SAP130: variants seen among roughly 807,000 people sequenced by gnomAD.
SAP130 encodes histone deacetylase complex subunit SAP130.
In SAP130, 16 loss-of-function variants were observed where a neutral mutation model predicts 103.2. That is an observed-to-expected ratio of 0.16 (90% CI 0.10 to 0.24). The LOEUF (loss-of-function observed/expected upper bound fraction) is 0.24, where lower values mean the gene tolerates loss of function less well. SAP130 is among the 10% of genes least tolerant of loss of function. The probability of loss-of-function intolerance (pLI) is 1.00; values close to 1 mark genes in which losing one functional copy is unlikely to be tolerated. For synonymous variants in SAP130, 477 were observed against 497.0 expected (o/e 0.96, Z 0.53); for missense variants, 990 against 1,359.7 (o/e 0.73, Z 4.28).
At chr2:127,958,321 G>A (rs1319610866) in intron 15 of SAP130, among the ~76,000 whole-genome samples, 1 of 152,240 alleles carries the variant, frequency 6.6e-6, no homozygotes, top group African/African-American at 2.4e-5. Context: ...GGCTGAGGCA[G>A]AAGAATCGCT....
chr2:128,026,368 A>T, intron 1 of SAP130, 70 bp from the exon 2 acceptor site: 1 of 1,092,650 alleles, frequency 9.2e-7, no homozygotes, highest in Non-Finnish European at 1.4e-6. Flanking sequence ...AAATTAAAGC[A>T]TCTTTAGTAC....
chr2:128,022,589 T>C (rs576269166), intron 2 of SAP130, among the ~76,000 whole-genome samples: 1 of 152,306 alleles, frequency 6.6e-6, no homozygotes, highest in East Asian at 1.9e-4. Flanking sequence ...AAAGTATGAG[T>C]TCTATTTGCG....
At chr2:127,950,607 TCC>T (rs1014106693) in intron 16 of SAP130, among the ~76,000 whole-genome samples, 199 bp from the exon 17 acceptor site, 4 of 152,352 alleles carry the variant, frequency 2.6e-5, no homozygotes. Flanking sequence ...ATCTTCATCT[TCC>T]TTAGGTCCAG....
chr2:128,001,355 G>C (rs575147931), intron 7 of SAP130, among the ~76,000 whole-genome samples: 2 of 152,350 alleles, frequency 1.3e-5, no homozygotes, highest in African/African-American at 2.4e-5. Context: ...GGGCGACAGA[G>C]TGAGACCCTG....
At chr2:127,980,428 G>C (rs1277081559) in intron 14 of SAP130, among the ~76,000 whole-genome samples, 1 of 152,174 alleles carries the variant, frequency 6.6e-6, no homozygotes, top group Non-Finnish European at 1.5e-5. Context: ...CCTGGTGAGA[G>C]TGTAAATGGG....
intron 2 of SAP130, 70 bp downstream of exon 2, chr2:128,026,111 A>G: frequency 9.5e-7 from 1 of 1,056,794 alleles, no homozygotes; most frequent in Non-Finnish European, 1.4e-6. Flanking sequence ...GAATCTGCTA[A>G]TTTTTAAGTT....
intron 1 of SAP130, among the ~76,000 whole-genome samples, chr2:128,027,614 C>CTGGG (rs1685617637): frequency 6.6e-6 from 1 of 150,764 alleles, no homozygotes; most frequent in South Asian, 2.1e-4. Context: ...GCCAAACTCC[C>CTGGG]TGGGCCGGCC....
chr2:128,026,415 C>T (rs1322976465), intron 1 of SAP130, 117 bp from the exon 2 acceptor site: 1 of 658,066 alleles, frequency 1.5e-6, no homozygotes, highest in African/African-American at 1.8e-5. Flanking sequence ...AATGCTGCAT[C>T]ATTTATTTAA....
chr2:127,976,867 C>A (rs1559059983), intron 15 of SAP130, among the ~76,000 whole-genome samples: 1 of 152,132 alleles, frequency 6.6e-6, no homozygotes, highest in Non-Finnish European at 1.5e-5. Flanking sequence ...GGCCACTGCA[C>A]TCCAGCCTGG....
chr2:127,993,733 A>G (rs1379862618), intron 11 of SAP130, among the ~76,000 whole-genome samples: 2 of 152,176 alleles, frequency 1.3e-5, no homozygotes, highest in African/African-American at 4.8e-5. Flanking sequence ...GGAAAGAAAA[A>G]ATGGGATCCA....
In SAP130 at chr2:127,941,720, T is replaced by C. The variant is rs1012852573; in HGVS notation, c.*286A>G. The C allele has an allele frequency of 2.4e-5, 10 of 410,032 alleles. No homozygotes were observed. Among genetic ancestry groups the C allele is most frequent in the Middle Eastern group, 6.4e-4 (1 of 1,572 alleles). 25.4% of individuals were successfully genotyped at this position (410,032 alleles called of 1,614,324 possible). A position where few individuals can be genotyped will look rare whatever the true frequency, so the allele number is the denominator to read the frequency against. On this transcript the variant is annotated 3_prime_UTR_variant, in exon 21 of 21. Transcript: ENST00000643581. ...AAGGCTGAAAAACACCAGCCAGCCA[T>C]CCTTGTCATTGCTTCCAACTGGTGG...
chr2:127,994,652 G>A lies in SAP130; in HGVS notation c.1356-1344C>T, dbSNP rs367757680. Among the ~76,000 whole-genome samples the A allele has an allele frequency of 5.3e-4, 80 of 152,122 alleles. 1 individual carries two copies. In the South Asian group the frequency reaches 6.4e-3, roughly 12 times the overall value. ...CATGTGCCTGCAGTCCCAGCTACTC[G>A]GGAGGCTGAGGTGGGAGGATCATTT... On this transcript the variant is annotated intron_variant, in intron 11 of 20. Coordinates refer to ENST00000643581, the MANE Select transcript of SAP130 (RefSeq NM_001330301.2).
chr2:127,963,427 G>C (rs2438021), intron 15 of SAP130, among the ~76,000 whole-genome samples: 119,366 of 152,020 alleles, frequency 0.79, 48,318 homozygotes, highest in Non-Finnish European at 0.88. Flanking sequence ...ATGGAGTTTG[G>C]CCATGTTGCC....
At chr2:127,992,571 C>T (rs1286962536) in intron 12 of SAP130, among the ~76,000 whole-genome samples, 1 of 152,218 alleles carries the variant, frequency 6.6e-6, no homozygotes, top group East Asian at 1.9e-4. Flanking sequence ...AGGCATGAGC[C>T]ACTGCACCTG....
rs145638242 is a variant in SAP130, at chr2:128,021,684, G to A, written c.113-3769C>T. ...AAGGAGCAGAATGGTTGGGTCAAAT[G>A]GTAAGTATATGTTTAACTTTGCCGA... On this transcript the variant is annotated intron_variant, in intron 2 of 20. Transcript: ENST00000643581. 2.4e-3 allele frequency among the ~76,000 whole-genome samples: 361 copies of A among 152,240 alleles called. 3 individuals carry two copies. The highest frequency in any genetic ancestry group is 8.1e-3 in the African/African-American group (335 of 41,544).
At chr2:128,027,269 G>A (rs1436605009) in intron 1 of SAP130, 1 of 1,080,314 alleles carries the variant, frequency 9.3e-7, no homozygotes, top group East Asian at 4.4e-5. Flanking sequence ...CCCGCCACCC[G>A]GCCGCCGCTG....
chr2:127,999,742 G>C lies in SAP130; in HGVS notation c.1212C>G (p.Val404=), dbSNP rs1041947586. ...GTCCGAAGGCAGCAGGCCACTTACC[G>C]ACTGGGATGTTTGAGGTGGTCACAG... ...ATAVTTSNIP[V]AKVVPQQITH... is the part of the protein sequence containing the mutation. Residue 404 remains valine (V), a splice_region_variant and synonymous_variant, in exon 10 of 21, where the codon GTC becomes GTG. Coordinates refer to ENST00000643581, the MANE Select transcript of SAP130 (RefSeq NM_001330301.2). 6.7e-7 allele frequency: 1 copy of C among 1,502,612 alleles called. No individual in the cohort carries two copies. Among genetic ancestry groups the C allele is most frequent in the Non-Finnish European group, 8.9e-7 (1 of 1,125,986 alleles). The allele number at this position is 1,502,612 out of a possible 1,614,324, so 93.1% of individuals were successfully genotyped here. A position where few individuals can be genotyped will look rare whatever the true frequency, so the allele number is the denominator to read the frequency against.
chr2:127,990,643 A>G (rs1365686771), intron 12 of SAP130, among the ~76,000 whole-genome samples: 1 of 152,216 alleles, frequency 6.6e-6, no homozygotes, highest in Non-Finnish European at 1.5e-5. Context: ...AGTGGCTACA[A>G]TAAAAAAGTA....
Position 128,017,775 on chromosome 2 carries a change from G to A in SAP130, c.253C>T (p.His85Tyr). ...ACAGGTGTGGCTGATGCGACAGCAT[G>A]GTGTGTCGACAACATCTGCACCTGT... Reference protein sequence around the residue: ...YPQVQMLSTHHAVASATPVAV... With the variant: ...YPQVQMLSTHYAVASATPVAV... The change falls in exon 3 of 21, where the codon CAT (histidine) becomes TAT (tyrosine). Residue 85 changes from histidine to tyrosine, a missense_variant. Physicochemically the swap from His to Tyr is moderately conservative, Grantham distance 83. This residue lies in a region of SAP130 where 167 missense variants were observed against 187.4 expected (regional missense o/e 0.89). Coordinates refer to ENST00000643581, the MANE Select transcript of SAP130 (RefSeq NM_001330301.2). 6.2e-7 allele frequency: 1 copy of A among 1,614,218 alleles called. No homozygotes were observed. The highest frequency in any genetic ancestry group is 1.3e-5 in the African/African-American group (1 of 75,052).
Sources: gnomAD v4.1 joint callset for allele counts (sites outside exome capture counted in the v4.1 genomes callset) on GRCh38, gnomAD v4.1.1 for gene constraint, gnomAD v4.1.1 regional missense constraint, MANE v1.5 for transcripts, NCBI Gene and HGNC (gene_info 2026-07-23, HGNC 2026-07-21) for gene names.